Variants in HGFAC observed in about 807,000 individuals in gnomAD.
HGFAC encodes HGF activator, also known as hepatocyte growth factor activator serine protease.
A neutral mutation model predicts 70.6 loss-of-function variants in HGFAC; 76 were observed. The ratio of observed to expected loss-of-function variants is 1.08; its 90% CI spans 0.89 to 1.30. The LOEUF (loss-of-function observed/expected upper bound fraction) is 1.30, where lower values mean the gene tolerates loss of function less well. Among genes scored for constraint, HGFAC ranks in the 50% most tolerant of loss-of-function variants. The pLI, the probability that HGFAC is intolerant of heterozygous loss-of-function variation, is 0.00. For synonymous variants in HGFAC, 464 were observed against 405.3 expected (o/e 1.14, Z -1.74); for missense variants, 1,044 against 933.7 (o/e 1.12, Z -1.54).
At position 3,442,096 on chromosome 4, in the gene HGFAC, G is replaced by A; in HGVS notation, c.95G>A (p.Gly32Glu). The A allele has an allele frequency of 1.3e-6, 2 of 1,560,530 alleles. No homozygotes were observed. Among genetic ancestry groups the A allele is most frequent in the Non-Finnish European group, 8.6e-7 (1 of 1,164,798 alleles). Residue 32 changes from glycine to glutamate, a missense_variant, in exon 1 of 14, where the codon GGG (glycine) becomes GAG (glutamate). Gly to Glu is a moderately conservative substitution (Grantham distance 98). Coordinates refer to ENST00000382774, the MANE Select transcript of HGFAC (RefSeq NM_001528.4). ...LLLLLLLLPR[G>E]FQPQPGGNRT... is the part of the protein sequence containing the mutation. ...CTGCTGCTGCTGCTGCTGCCACGGG[G>A]GTTCCAGCCCCAGCCTGGCGGGGTG...
At position 3,448,158 on chromosome 4, in the gene HGFAC, A is replaced by G; in HGVS notation, c.1667A>G (p.Glu556Gly). The change falls in exon 13 of 14, where the codon GAG becomes GGG. Residue 556 changes from glutamate to glycine, a missense_variant. By Grantham distance (98) the Glu-to-Gly change is moderately conservative. Transcript: ENST00000382774. ...NVSGYSSSLR[E>G]ALVPLVADHK... ...AGCGGCTACTCCAGCTCCCTGCGGG[A>G]GGCCCTGGTCCCCCTGGTCGCCGAC... 6.3e-7 allele frequency: 1 copy of G among 1,598,616 alleles called. No individual in the cohort carries two copies. The highest frequency in any genetic ancestry group is 8.5e-7 in the Non-Finnish European group (1 of 1,173,884).
At chr4:3,447,103 G>T (rs553647227) in intron 10 of HGFAC, among the ~76,000 whole-genome samples, 6 of 152,316 alleles carry the variant, frequency 3.9e-5, no homozygotes, top group Non-Finnish European at 7.4e-5. Context: ...CAGGAGTGAG[G>T]GCTGCATCTG....
chr4:3,445,025 G>T (rs1417014308), intron 8 of HGFAC, 32 bp downstream of exon 8: 20 of 1,516,002 alleles, frequency 1.3e-5, no homozygotes, highest in Non-Finnish European at 1.7e-5. Context: ...GCCGCCGCAT[G>T]CGGGGCAGGC....
chr4:3,444,535 C>A, intron 6 of HGFAC, 88 bp from the exon 7 acceptor site: 1 of 1,503,220 alleles, frequency 6.7e-7, no homozygotes, highest in Non-Finnish European at 8.9e-7. Flanking sequence ...CACCCAGAAA[C>A]AAGGGACAAG....
chr4:3,444,554 C>T (rs1725429823), intron 6 of HGFAC, 69 bp from the exon 7 acceptor site: 3 of 1,504,874 alleles, frequency 2.0e-6, no homozygotes, highest in African/African-American at 2.7e-5. Context: ...AGGGGTGGAC[C>T]CCGGCCCCGA....
chr4:3,449,437 C>G lies in HGFAC; in HGVS notation c.*18C>G. The G allele has an allele frequency of 6.6e-7, 1 of 1,504,362 alleles. No individual in the cohort carries two copies. Among genetic ancestry groups the G allele is most frequent in the African/African-American group, 1.4e-5 (1 of 70,948 alleles). 93.2% of individuals were successfully genotyped at this position (1,504,362 alleles called of 1,614,324 possible). On this transcript the variant is annotated 3_prime_UTR_variant, in exon 14 of 14. Coordinates refer to ENST00000382774, the MANE Select transcript of HGFAC (RefSeq NM_001528.4). ...CCTCCTGACCCTCCAGCGGGACACC[C>G]TGGTTCCCACCATTCCCTGCCTTGC...
rs371509874 is a variant in HGFAC at position 3,449,445 on chromosome 4, C to T, written c.*26C>T. 3 of 1,496,680 alleles carry T rather than the reference C, an allele frequency of 2.0e-6. No individual in the cohort carries two copies. The highest frequency in any genetic ancestry group is 2.8e-5 in the African/African-American group (2 of 70,504). 92.7% of individuals were successfully genotyped at this position (1,496,680 alleles called of 1,614,324 possible). ...CCCTCCAGCGGGACACCCTGGTTCC[C>T]ACCATTCCCTGCCTTGCTGACAATA... is the stretch of plus-strand genomic sequence containing the variant. On this transcript the variant is annotated 3_prime_UTR_variant, in exon 14 of 14. Transcript: ENST00000382774.
At chr4:3,443,917 G>C in intron 4 of HGFAC, 122 bp from the exon 5 acceptor site, 3 of 1,082,098 alleles carry the variant, frequency 2.8e-6, no homozygotes, top group Non-Finnish European at 2.6e-6. Context: ...GCGTAGAGAG[G>C]GCCCCTTTGC....
intron 13 of HGFAC, among the ~76,000 whole-genome samples, chr4:3,448,635 A>G (rs1248069045): frequency 1.4e-5 from 2 of 145,684 alleles, no homozygotes; most frequent in Non-Finnish European, 2.9e-5. Context: ...CAGCTCTTCA[A>G]CCTTCAATAA....
At chr4:3,448,579 G>C (rs1229160431) in intron 13 of HGFAC, among the ~76,000 whole-genome samples, 2 of 152,212 alleles carry the variant, frequency 1.3e-5, no homozygotes, top group Non-Finnish European at 2.9e-5. Flanking sequence ...TGCTTTCCGT[G>C]TGACACTAGG....
At position 3,448,161 on chromosome 4, in the gene HGFAC, C is replaced by T. The variant is rs1379408480; in HGVS notation, c.1670C>T (p.Ala557Val). ...GGCTACTCCAGCTCCCTGCGGGAGG[C>T]CCTGGTCCCCCTGGTCGCCGACCAC... The part of the protein sequence containing the change: ...VSGYSSSLRE[A>V]LVPLVADHKC... Residue 557 changes from alanine to valine, a missense_variant, in exon 13 of 14, where the codon GCC (alanine) becomes GTC (valine). Ala to Val is a moderately conservative substitution (Grantham distance 64). Transcript: ENST00000382774. 17 of 1,598,150 alleles carry T rather than the reference C, an allele frequency of 1.1e-5. No individual in the cohort carries two copies. The highest frequency in any genetic ancestry group is 1.4e-5 in the Non-Finnish European group (17 of 1,173,802).
rs763927184 is a variant in HGFAC at position 3,441,969 on chromosome 4, C to T, written c.-33C>T. On this transcript the variant is annotated 5_prime_UTR_variant, in exon 1 of 14. Transcript: ENST00000382774. This position sits in a 1 kb window ranked among gnomAD's most constrained non-coding sequence, Gnocchi z 6.0. ...ACCTGCCTTGGCCGCTCTGCTCCCG[C>T]CTCCCACTGCCCCTCAGGCCAGCTC... 3.9e-6 allele frequency: 5 copies of T among 1,283,380 alleles called. No homozygotes were observed. The East Asian group carries it at 1.4e-4, about 36-fold the overall frequency. 79.5% of individuals were successfully genotyped at this position (1,283,380 alleles called of 1,614,324 possible).
rs1725359661 is a variant in HGFAC at position 3,442,831 on chromosome 4, C to G, written c.217C>G (p.Pro73Ala). ...VTSETPATSA[P>A]EAEGPQSGGL... ...CTCTGAGACCCCAGCAACAAGTGCTCCAGAGGCAGAGGGACCCCAAAGTGG... is the reference window on the plus strand; with the variant it reads ...CTCTGAGACCCCAGCAACAAGTGCTGCAGAGGCAGAGGGACCCCAAAGTGG... The change falls in exon 2 of 14, where the codon CCA becomes GCA. Residue 73 changes from proline to alanine, a missense_variant. Pro to Ala is a conservative substitution (Grantham distance 27). Coordinates refer to ENST00000382774, the MANE Select transcript of HGFAC (RefSeq NM_001528.4). The G allele has an allele frequency of 3.1e-6, 5 of 1,591,134 alleles. No homozygotes were observed. The highest frequency in any genetic ancestry group is 4.3e-6 in the Non-Finnish European group (5 of 1,170,556).
chr4:3,444,457 G>A lies in HGFAC; in HGVS notation c.730+15G>A. ...CCGACATACAGGTGCGCCACGGGGTGTGAGCCGTGCCACTGACCCCTGACG... is the reference window on the plus strand; with the variant it reads ...CCGACATACAGGTGCGCCACGGGGTATGAGCCGTGCCACTGACCCCTGACG... On this transcript the variant is annotated intron_variant, in intron 6 of 13. Transcript: ENST00000382774. 1.3e-6 allele frequency: 2 copies of A among 1,577,696 alleles called. No individual in the cohort carries two copies. The highest frequency in any genetic ancestry group is 1.7e-6 in the Non-Finnish European group (2 of 1,163,608).
At chr4:3,444,542 C>G (rs1725429517) in intron 6 of HGFAC, 81 bp from the exon 7 acceptor site, 2 of 1,504,584 alleles carry the variant, frequency 1.3e-6, no homozygotes, top group African/African-American at 2.7e-5. Context: ...AAACAAGGGA[C>G]AAGGGGTGGA....
At chr4:3,442,185 G>C in intron 1 of HGFAC, 67 bp downstream of exon 1, 2 of 1,274,300 alleles carry the variant, frequency 1.6e-6, no homozygotes, top group Non-Finnish European at 2.2e-6. Context: ...CTTGGGAGGA[G>C]GCCAGAGGGA....
chr4:3,443,982 C>CAG, intron 4 of HGFAC, 57 bp from the exon 5 acceptor site: 1 of 1,515,202 alleles, frequency 6.6e-7, no homozygotes, highest in South Asian at 1.3e-5. Context: ...GAGAATGTCA[C>CAG]AGAGGGACCC....
In HGFAC at chr4:3,442,750, G is replaced by A. The variant is rs148006288; in HGVS notation, c.136G>A (p.Glu46Lys). Residue 46 changes from glutamate to lysine, a missense_variant, in exon 2 of 14, where the codon GAA becomes AAA. By Grantham distance (56) the Glu-to-Lys change is moderately conservative. Coordinates refer to ENST00000382774, the MANE Select transcript of HGFAC (RefSeq NM_001528.4). ...CTCCTAGAACCGTACGGAGTCCCCAGAACCTAATGCCACAGCGACCCCTGC... is the reference window on the plus strand; with the variant it reads ...CTCCTAGAACCGTACGGAGTCCCCAAAACCTAATGCCACAGCGACCCCTGC... ...QPGGNRTESPEPNATATPAIP... is the reference protein window; with the variant it reads ...QPGGNRTESPKPNATATPAIP... 3 of 1,512,196 alleles carry A rather than the reference G, an allele frequency of 2.0e-6. No homozygotes were observed. In the African/African-American group the frequency reaches 4.2e-5, roughly 21 times the overall value. The allele number at this position is 1,512,196 out of a possible 1,614,324, so 93.7% of individuals were successfully genotyped here.
upstream of HGFAC, among the ~76,000 whole-genome samples, chr4:3,441,504 C>G (rs544188718): frequency 6.6e-6 from 1 of 152,250 alleles, no homozygotes; most frequent in East Asian, 1.9e-4. The surrounding 1 kb of genome is among the most constrained non-coding windows in gnomAD (Gnocchi z 6.0). Flanking sequence ...CCAGGAGCCC[C>G]CAGTGCTGCC....
Sources: gnomAD v4.1 joint callset for allele counts (sites outside exome capture counted in the v4.1 genomes callset) on GRCh38, gnomAD v4.1.1 for gene constraint, Gnocchi (gnomAD v3.1) non-coding constraint, MANE v1.5 for transcripts, NCBI Gene and HGNC (gene_info 2026-07-23, HGNC 2026-07-21) for gene names.